Variants in GALNT2 observed in about 807,000 individuals in gnomAD.
GALNT2 encodes the protein polypeptide N-acetylgalactosaminyltransferase 2, also known as UDP-GalNAc:polypeptide N-acetylgalactosaminyltransferase 2.
In GALNT2, 31 loss-of-function variants were observed where a neutral mutation model predicts 81.4. That is an observed-to-expected ratio of 0.38 (90% CI 0.29 to 0.51). The LOEUF is 0.51. Ranked by LOEUF, GALNT2 falls within the 20% of genes least tolerant of loss-of-function variation. The pLI, the probability that GALNT2 is intolerant of heterozygous loss-of-function variation, is 0.87. For synonymous variants in GALNT2, 303 were observed against 287.4 expected, an observed-to-expected ratio of 1.05 and a Z score of -0.55; for missense variants, 629 against 765.7, an observed-to-expected ratio of 0.82 and a Z score of 2.11.
intron 1 of GALNT2, among the ~76,000 whole-genome samples, chr1:230,143,306 G>T (rs2102826831): frequency 6.6e-6 from 1 of 152,342 alleles, no homozygotes; most frequent in Non-Finnish European, 1.5e-5. Context: ...GAGCTTCTCT[G>T]GAAGGTGTAG....
At chr1:230,066,777 G>T (rs750982875), upstream of GALNT2, among the ~76,000 whole-genome samples, 1 of 152,186 alleles carries the variant, frequency 6.6e-6, no homozygotes, top group Non-Finnish European at 1.5e-5. Context: ...GTAATCGAGA[G>T]GCCCCGTGTG....
upstream of GALNT2, among the ~76,000 whole-genome samples, chr1:230,063,773 T>A (rs901334076): frequency 6.6e-6 from 1 of 152,262 alleles, no homozygotes; most frequent in Non-Finnish European, 1.5e-5. Flanking sequence ...TCTCATTTAA[T>A]GCTTTTTGGC....
intron 1 of GALNT2, among the ~76,000 whole-genome samples, chr1:230,098,616 A>G (rs149438507): frequency 1.1e-4 from 17 of 152,112 alleles, no homozygotes; most frequent in East Asian, 5.9e-4. Flanking sequence ...CAGGGCTTCT[A>G]TGCCATAGCG....
chr1:230,108,380 A>G (rs1438851920), intron 1 of GALNT2, among the ~76,000 whole-genome samples: 3 of 152,360 alleles, frequency 2.0e-5, no homozygotes, highest in East Asian at 3.9e-4. Context: ...TCAATTAACA[A>G]TGAAGCTATG....
Position 230,067,255 on chromosome 1 carries a change from G to T in GALNT2, c.-26G>T. ...CAGGCAGCACTCGCGAGCAGCGGCG[G>T]CCCCGCCGGCGGCCGAGTTGGGAGA... is the stretch of plus-strand genomic sequence containing the variant. On this transcript the variant is annotated 5_prime_UTR_variant, in exon 1 of 16. Coordinates refer to ENST00000366672, the MANE Select transcript of GALNT2 (RefSeq NM_004481.5). 7.8e-7 allele frequency: 1 copy of T among 1,276,518 alleles called. No homozygotes were observed. Among genetic ancestry groups the T allele is most frequent in the Non-Finnish European group, 1.0e-6 (1 of 1,004,106 alleles). The allele number at this position is 1,276,518 out of a possible 1,614,324, so 79.1% of individuals were successfully genotyped here.
At chr1:230,237,493 C>A (rs933757604) in intron 6 of GALNT2, among the ~76,000 whole-genome samples, 46 of 152,144 alleles carry the variant, frequency 3.0e-4, no homozygotes, top group Admixed American at 1.3e-4. Flanking sequence ...TGATTGTATT[C>A]CTTCATCAGT....
At chr1:230,142,448 C>T (rs1004492306) in intron 1 of GALNT2, among the ~76,000 whole-genome samples, 1 of 152,144 alleles carries the variant, frequency 6.6e-6, no homozygotes, top group African/African-American at 2.4e-5. Context: ...TATCCAGCCC[C>T]GCCAGCTGAT....
intron 14 of GALNT2, among the ~76,000 whole-genome samples, chr1:230,272,033 GT>G (rs2102777899): frequency 6.6e-6 from 1 of 152,358 alleles, no homozygotes; most frequent in African/African-American, 2.4e-5. Flanking sequence ...AGTAGGAGCT[GT>G]TTGTTGGGAA....
At chr1:230,192,492 T>G (rs1377616937) in intron 2 of GALNT2, among the ~76,000 whole-genome samples, 2 of 152,186 alleles carry the variant, frequency 1.3e-5, no homozygotes, top group African/African-American at 4.8e-5. Context: ...TTACTGATAT[T>G]TAGGATGAAA....
At chr1:230,189,450 C>T (rs1205843803) in intron 2 of GALNT2, among the ~76,000 whole-genome samples, 2 of 152,130 alleles carry the variant, frequency 1.3e-5, no homozygotes, top group African/African-American at 2.4e-5. Flanking sequence ...AACTTAAATC[C>T]AGGGTGTGAA....
chr1:230,092,242 G>T (rs1660115141), intron 1 of GALNT2, among the ~76,000 whole-genome samples: 1 of 135,578 alleles, frequency 7.4e-6, no homozygotes. Context: ...TGTAATTTGA[G>T]ACATAACTCC....
At chr1:230,269,924 G>A (rs749687571) in intron 14 of GALNT2, among the ~76,000 whole-genome samples, 11 of 151,998 alleles carry the variant, frequency 7.2e-5, no homozygotes, top group African/African-American at 1.9e-4. Context: ...AATTAGGGCC[G>A]GGCACGGTGG....
At chr1:230,274,895 G>A (rs1037279298) in intron 15 of GALNT2, among the ~76,000 whole-genome samples, 16 of 151,716 alleles carry the variant, frequency 1.1e-4, no homozygotes, top group Middle Eastern at 3.2e-3. Flanking sequence ...GATGGTACTC[G>A]ATACATAATG....
chr1:230,198,816 G>A lies in GALNT2; in HGVS notation c.221-4321G>A, dbSNP rs566211377. 9.2e-4 allele frequency among the ~76,000 whole-genome samples: 140 copies of A among 152,292 alleles called. 1 individual carries two copies. In the South Asian group the frequency reaches 0.028, roughly 30 times the overall value. On this transcript the variant is annotated intron_variant, in intron 2 of 15. Coordinates refer to ENST00000366672, the MANE Select transcript of GALNT2 (RefSeq NM_004481.5). ...CTAAGAGAAGTCTATCTTCTGGAAA[G>A]AAATTTCCTCAAAAATATTTTCATA... is the stretch of plus-strand genomic sequence containing the variant.
intron 1 of GALNT2, among the ~76,000 whole-genome samples, chr1:230,138,125 T>G (rs1661609836): frequency 6.6e-6 from 1 of 152,204 alleles, no homozygotes; most frequent in Non-Finnish European, 1.5e-5. Context: ...CAAGTGTTAC[T>G]GGAAAGGGGT....
intron 10 of GALNT2, among the ~76,000 whole-genome samples, chr1:230,252,039 C>G (rs1393590462): frequency 6.6e-6 from 1 of 152,152 alleles, no homozygotes; most frequent in Non-Finnish European, 1.5e-5. Flanking sequence ...CATCTCTGCC[C>G]AGGAAGGCTG....
intron 1 of GALNT2, among the ~76,000 whole-genome samples, chr1:230,100,862 GAA>G (rs1660381784): frequency 8.1e-6 from 1 of 123,184 alleles, no homozygotes; most frequent in Non-Finnish European, 1.7e-5. Context: ...AAGTGTATGG[GAA>G]ATATACATGT....
chr1:230,108,312 C>T (rs116698741), intron 1 of GALNT2, among the ~76,000 whole-genome samples: 1 of 152,318 alleles, frequency 6.6e-6, no homozygotes, highest in African/African-American at 2.4e-5. Context: ...GGGATGGTTT[C>T]GCTTACACTT....
chr1:230,254,256 A>T (rs901675), intron 10 of GALNT2, among the ~76,000 whole-genome samples: 2 of 152,064 alleles, frequency 1.3e-5, no homozygotes, highest in Non-Finnish European at 2.9e-5. Context: ...CACAAAAGGC[A>T]CACCAGTCAG....
Sources: allele counts gnomAD v4.1 joint callset (sites outside exome capture counted in the v4.1 genomes callset), GRCh38; gene constraint gnomAD v4.1.1; transcripts MANE v1.5; gene names NCBI Gene and HGNC (gene_info 2026-07-23, HGNC 2026-07-21).